The following NR6A1 variants were observed in gnomAD, a reference collection of about 807,000 sequenced individuals.
NR6A1 encodes the protein retinoic acid receptor-related testis-associated receptor.
In NR6A1, 7 loss-of-function variants were observed where a neutral mutation model predicts 59.1. The ratio of observed to expected loss-of-function variants is 0.12; its 90% CI spans 0.07 to 0.22. The LOEUF is 0.22. Among genes scored for constraint, NR6A1 ranks in the 10% least tolerant of loss-of-function variants. The pLI is 1.00. For synonymous variants in NR6A1, 243 were observed against 236.1 expected (o/e 1.03, Z -0.27); for missense variants, 468 against 611.6 (o/e 0.77, Z 2.48).
At chr9:124,770,312 G>A (rs919959050) in intron 1 of NR6A1, 1 of 152,608 alleles carries the variant, frequency 6.6e-6, no homozygotes, top group African/African-American at 2.4e-5. Context: ...GGAAGGTGAG[G>A]CGCAGGGGAA....
intron 2 of NR6A1, among the ~76,000 whole-genome samples, chr9:124,657,339 G>A (rs1255970413): frequency 6.6e-6 from 1 of 152,118 alleles, no homozygotes; most frequent in African/African-American, 2.4e-5. Context: ...CAACAACTGT[G>A]AGAAAGGCAA....
intron 2 of NR6A1, among the ~76,000 whole-genome samples, chr9:124,645,266 T>C (rs1836898400): frequency 1.3e-5 from 2 of 151,820 alleles, no homozygotes; most frequent in Admixed American, 1.3e-4. Flanking sequence ...CAAAAAACAA[T>C]AAATATATAG....
At chr9:124,729,659 C>T (rs1839827615) in intron 2 of NR6A1, among the ~76,000 whole-genome samples, 1 of 152,116 alleles carries the variant, frequency 6.6e-6, no homozygotes, top group African/African-American at 2.4e-5. Flanking sequence ...AGTCAGAATT[C>T]CCAGAATATG....
At chr9:124,560,123 CT>C (rs1347942831) in intron 2 of NR6A1, among the ~76,000 whole-genome samples, 1 of 152,216 alleles carries the variant, frequency 6.6e-6, no homozygotes, top group Admixed American at 6.5e-5. Context: ...TCTACGACTG[CT>C]GTATTTTCAA....
intron 2 of NR6A1, among the ~76,000 whole-genome samples, chr9:124,702,677 C>A (rs1838998839): frequency 6.6e-6 from 1 of 152,082 alleles, no homozygotes; most frequent in African/African-American, 2.4e-5. Context: ...CTGGCACCTC[C>A]TCCTCTCTTG....
At chr9:124,758,311 T>C (rs887321762) in intron 1 of NR6A1, among the ~76,000 whole-genome samples, 1 of 152,204 alleles carries the variant, frequency 6.6e-6, no homozygotes, top group African/African-American at 2.4e-5. Context: ...GGTTCCCTTT[T>C]TACAGACCAG....
At chr9:124,577,703 T>C (rs1834641211) in intron 2 of NR6A1, among the ~76,000 whole-genome samples, 1 of 152,238 alleles carries the variant, frequency 6.6e-6, no homozygotes, top group African/African-American at 2.4e-5. Context: ...GTGGTTGCTA[T>C]TCTGGACCAC....
chr9:124,590,787 T>C (rs773123432), intron 2 of NR6A1, among the ~76,000 whole-genome samples: 83 of 152,194 alleles, frequency 5.5e-4, no homozygotes, highest in Non-Finnish European at 9.4e-4. Flanking sequence ...CTATCAAACA[T>C]GGTCATGGCA....
At chr9:124,571,903 G>A (rs1236281595) in intron 2 of NR6A1, among the ~76,000 whole-genome samples, 1 of 151,628 alleles carries the variant, frequency 6.6e-6, no homozygotes. Flanking sequence ...TAAGTTTGAT[G>A]AGTTTCTCTT....
intron 1 of NR6A1, chr9:124,770,041 C>CGGGCGAGG (rs1461158475): frequency 4.6e-5 from 7 of 152,470 alleles, no homozygotes; most frequent in Non-Finnish European, 7.3e-5. Flanking sequence ...GGACCCGGCC[C>CGGGCGAGG]GGGCGAGGGG....
At position 124,719,232 on chromosome 9, in the gene NR6A1, A is replaced by G. The variant is rs550886490; in HGVS notation, c.142+14076T>C. On this transcript the variant is annotated intron_variant, in intron 2 of 9. Transcript: ENST00000487099. ...CTCCCAAGTAGCTGGGACTACAGAC[A>G]TGTGCCGCCACACCCAGCTAATTTT... 4.8e-4 allele frequency among the ~76,000 whole-genome samples: 73 copies of G among 151,938 alleles called. No homozygotes were observed. In the South Asian group the frequency reaches 0.015, roughly 31 times the overall value.
intron 2 of NR6A1, among the ~76,000 whole-genome samples, chr9:124,716,267 A>G (rs1839414907): frequency 1.3e-5 from 2 of 152,228 alleles, no homozygotes; most frequent in African/African-American, 4.8e-5. Flanking sequence ...ATGAATATTC[A>G]TATTAAAAAG....
chr9:124,587,196 A>C (rs1219175308), intron 2 of NR6A1, among the ~76,000 whole-genome samples: 1 of 152,234 alleles, frequency 6.6e-6, no homozygotes, highest in African/African-American at 2.4e-5. Context: ...TTTTAAGTTA[A>C]GGTATGTAGG....
At chr9:124,660,012 GA>G (rs2130939361) in intron 2 of NR6A1, among the ~76,000 whole-genome samples, 1 of 152,182 alleles carries the variant, frequency 6.6e-6, no homozygotes, top group Non-Finnish European at 1.5e-5. Context: ...GCACTTGGGG[GA>G]AAAAAGGAGG....
At chr9:124,549,690 A>G (rs769170840) in intron 3 of NR6A1, among the ~76,000 whole-genome samples, 11 of 152,270 alleles carry the variant, frequency 7.2e-5, no homozygotes, top group African/African-American at 2.6e-4. Context: ...TTAATAGTTA[A>G]TTTTTTAAAT....
At chr9:124,611,482 T>A (rs1588708369) in intron 2 of NR6A1, among the ~76,000 whole-genome samples, 1 of 152,116 alleles carries the variant, frequency 6.6e-6, no homozygotes, top group African/African-American at 2.4e-5. Flanking sequence ...ACACCTCTGA[T>A]CCTAACACTT....
intron 2 of NR6A1, among the ~76,000 whole-genome samples, chr9:124,731,948 C>T (rs1839896357): frequency 6.6e-6 from 1 of 152,148 alleles, no homozygotes; most frequent in African/African-American, 2.4e-5. Flanking sequence ...TAAGGGTCAA[C>T]CGTACTATAT....
chr9:124,553,549 CTTTTTTTTTT>C (rs780925768), intron 3 of NR6A1, among the ~76,000 whole-genome samples: 3 of 47,324 alleles, frequency 6.3e-5, no homozygotes, highest in East Asian at 6.1e-4. Context: ...TTTAGCTTGA[CTTTTTTTTTT>C]TTTTTTTTTT....
At chr9:124,629,547 G>A (rs1295205790) in intron 2 of NR6A1, among the ~76,000 whole-genome samples, 2 of 152,234 alleles carry the variant, frequency 1.3e-5, no homozygotes, top group African/African-American at 4.8e-5. Flanking sequence ...AAATATCCAA[G>A]TGGGCAGAGC....
Sources: gnomAD v4.1 joint callset for allele counts (sites outside exome capture counted in the v4.1 genomes callset) on GRCh38, gnomAD v4.1.1 for gene constraint, MANE v1.5 for transcripts, NCBI Gene and HGNC (gene_info 2026-07-23, HGNC 2026-07-21) for gene names.